MDN1: variants seen among roughly 807,000 people sequenced by gnomAD.
MDN1 encodes midasin AAA ATPase 1.
MDN1 carries 266 observed loss-of-function variants against 669.2 expected under a neutral mutation model. The ratio of observed to expected loss-of-function variants is 0.40; its 90% CI spans 0.36 to 0.44. The LOEUF (loss-of-function observed/expected upper bound fraction) is 0.44, where lower values mean the gene tolerates loss of function less well. Ranked by LOEUF, MDN1 falls within the 20% of genes least tolerant of loss-of-function variation. The pLI is 1.00. For synonymous variants in MDN1, 2,385 were observed against 2,457.1 expected (o/e 0.97, Z 0.87); for missense variants, 5,940 against 6,754.0 (o/e 0.88, Z 4.22).
At chr6:89,787,597 G>C (rs532148365) in intron 8 of MDN1, among the ~76,000 whole-genome samples, 1 of 151,626 alleles carries the variant, frequency 6.6e-6, no homozygotes, top group East Asian at 1.9e-4. Context: ...CCTCACCTCT[G>C]ATTATTTTTT....
At chr6:89,737,759 T>C (rs1816072847) in intron 33 of MDN1, among the ~76,000 whole-genome samples, 1 of 149,070 alleles carries the variant, frequency 6.7e-6, no homozygotes, top group Non-Finnish European at 1.5e-5. Flanking sequence ...AGTCTGGCTC[T>C]GCTGCCCAGG....
At chr6:89,748,822 G>T (rs1170986743) in intron 26 of MDN1, among the ~76,000 whole-genome samples, 1 of 151,978 alleles carries the variant, frequency 6.6e-6, no homozygotes, top group Non-Finnish European at 1.5e-5. Flanking sequence ...AACTTTGGGA[G>T]ATCAAGGTGG....
Position 89,687,038 on chromosome 6 carries a change from A to G in MDN1, c.11451-15T>C. ...TGGACCAGCAGCTGAAACGAGAAGA[A>G]GCCAAGGAGGCATTTAGGAAAACCT... On this transcript the variant is annotated splice_polypyrimidine_tract_variant and intron_variant, in intron 68 of 101. Transcript: ENST00000369393. The G allele has an allele frequency of 6.2e-7, 1 of 1,609,630 alleles. No homozygotes were observed. The highest frequency in any genetic ancestry group is 1.1e-5 in the South Asian group (1 of 90,764).
intron 84 of MDN1, among the ~76,000 whole-genome samples, chr6:89,666,159 A>G (rs945254810): frequency 6.6e-6 from 1 of 152,242 alleles, no homozygotes; most frequent in Non-Finnish European, 1.5e-5. Flanking sequence ...CTATGAATAC[A>G]CCAACATATA....
Position 89,680,386 on chromosome 6 carries a change from G to A in MDN1, c.12265+203C>T, listed in dbSNP as rs191862211. Among the ~76,000 whole-genome samples the A allele has an allele frequency of 3.0e-4, 45 of 152,326 alleles. 1 individual carries two copies. The highest frequency in any genetic ancestry group is 2.9e-3 in the Admixed American group (44 of 15,302). ...ACAGTGCCAAGTTACATGAGAGGAC[G>A]ACAATGTGAAAATTATGATTGTGTG... On this transcript the variant is annotated intron_variant, in intron 74 of 101. Transcript: ENST00000369393.
At position 89,758,297 on chromosome 6, in the gene MDN1, G is replaced by A. The variant is rs761112979; in HGVS notation, c.2660C>T (p.Thr887Ile). 27 of 1,612,302 alleles carry A rather than the reference G, an allele frequency of 1.7e-5. No individual in the cohort carries two copies. In the Admixed American group the frequency reaches 4.5e-4, roughly 27 times the overall value. Residue 887 changes from threonine (T) to isoleucine (I), a missense_variant, in exon 19 of 102, where the codon ACT becomes ATT. Around this residue, in one of 5 missense-constraint regions of MDN1, gnomAD observed 1,203 missense variants for 1,268.9 expected, o/e 0.95. Coordinates refer to ENST00000369393, the MANE Select transcript of MDN1 (RefSeq NM_014611.3). ...TGGGAGATTTCTTTTGCCTACATCA[G>A]TTGCTGGATTCATACAGGCAAATAA... is the stretch of plus-strand genomic sequence containing the variant. ...FRLFACMNPA[T>I]DVGKRNLPPG...
intron 49 of MDN1, 80 bp downstream of exon 49, chr6:89,711,948 GTCACAGAT>G: frequency 8.3e-7 from 1 of 1,199,804 alleles, no homozygotes; most frequent in Non-Finnish European, 1.2e-6. Context: ...TAACAGTGTA[GTCACAGAT>G]TAACACAGCT....
intron 50 of MDN1, among the ~76,000 whole-genome samples, chr6:89,708,941 T>C (rs530802215): frequency 2.0e-4 from 29 of 146,416 alleles, no homozygotes; most frequent in Non-Finnish European, 3.9e-4. Context: ...GAGATCACAC[T>C]AATCCATGGG....
At position 89,745,416 on chromosome 6, in the gene MDN1, C is replaced by A. The variant is rs1439306366; in HGVS notation, c.4040-5G>T. The stretch of plus-strand genomic sequence containing the variant: ...ATATCTGAGTAGACAATTTACCTAT[C>A]CAAGGAAAAATAAATATTTAGATTC... On this transcript the variant is annotated splice_polypyrimidine_tract_variant and splice_region_variant and intron_variant, in intron 28 of 101. Coordinates refer to ENST00000369393, the MANE Select transcript of MDN1 (RefSeq NM_014611.3). 8 of 1,613,788 alleles carry A rather than the reference C, an allele frequency of 5.0e-6. No individual in the cohort carries two copies. The highest frequency in any genetic ancestry group is 6.8e-6 in the Non-Finnish European group (8 of 1,179,918).
rs115817196 is a variant in MDN1, at chr6:89,692,647, C to G, written c.10383G>C (p.Ser3461=). The G allele has an allele frequency of 1.9e-6, 3 of 1,614,230 alleles. No individual in the cohort carries two copies. The highest frequency in any genetic ancestry group is 1.7e-5 in the Admixed American group (1 of 60,036). Residue 3461 remains serine, a synonymous_variant, in exon 63 of 102, where the codon TCG becomes TCC. Coordinates refer to ENST00000369393, the MANE Select transcript of MDN1 (RefSeq NM_014611.3). ...TYYAHADTLC[S]VKSEEVLRGL... ...CTCGTAGAACCTCCTCAGACTTCACCGAGCACAAAGTGTCTGCATGAGCAT... is the reference window on the plus strand; with the variant it reads ...CTCGTAGAACCTCCTCAGACTTCACGGAGCACAAAGTGTCTGCATGAGCAT...
intron 26 of MDN1, among the ~76,000 whole-genome samples, chr6:89,748,304 G>A (rs1014967937): frequency 2.1e-4 from 32 of 152,284 alleles, no homozygotes; most frequent in Admixed American, 1.0e-3. Flanking sequence ...CCAGCCTGGC[G>A]ACAGAGTGAG....
At position 89,793,769 on chromosome 6, in the gene MDN1, C is replaced by A. The variant is rs754715555; in HGVS notation, c.848G>T (p.Gly283Val). 6.2e-7 allele frequency: 1 copy of A among 1,613,398 alleles called. No homozygotes were observed. The highest frequency in any genetic ancestry group is 1.7e-5 in the Admixed American group (1 of 59,960). ...VVLPGQLPAP[G>V]ELGGNRSSSR... ...CTACTGATACCAACATACCAGCTCT[C>A]CAGGGGCTGGCAGCTGCCCAGGCAG... The change falls in exon 5 of 102, where the codon GGA becomes GTA. Residue 283 changes from glycine to valine, a missense_variant. Physicochemically the swap from Gly to Val is moderately radical, Grantham distance 109. Coordinates refer to ENST00000369393, the MANE Select transcript of MDN1 (RefSeq NM_014611.3).
At chr6:89,649,212 T>C (rs1297843245) in intron 97 of MDN1, among the ~76,000 whole-genome samples, 2 of 152,174 alleles carry the variant, frequency 1.3e-5, no homozygotes, top group African/African-American at 4.8e-5. Context: ...GCAAACTGAG[T>C]GTTCTACATC....
rs554228819 is a variant in MDN1, at chr6:89,669,938, C to T, written c.13956+981G>A. On this transcript the variant is annotated intron_variant, in intron 83 of 101. Transcript: ENST00000369393. Reference sequence around the variant, plus strand: ...GAAAAAAACTGGCTGGGCGCAGTGGCTTACACATGTAATCCCAGCACTTTG... The same window carrying T: ...GAAAAAAACTGGCTGGGCGCAGTGGTTTACACATGTAATCCCAGCACTTTG... Among the ~76,000 whole-genome samples, 12 of 151,596 alleles carry T rather than the reference C, an allele frequency of 7.9e-5. No individual in the cohort carries two copies. The East Asian group carries it at 2.0e-3, about 25-fold the overall frequency.
chr6:89,653,550 A>G (rs1010141905), intron 93 of MDN1, among the ~76,000 whole-genome samples: 1 of 152,262 alleles, frequency 6.6e-6, no homozygotes, highest in Non-Finnish European at 1.5e-5. Context: ...ATTTGCTTCA[A>G]CTTGTGAGGT....
Position 89,754,104 on chromosome 6 carries a change from G to A in MDN1, c.2943C>T (p.Asn981=), listed in dbSNP as rs374728491. ...LRFAASNPCG[N]IQRSLYEGFC... Reference sequence around the variant, plus strand: ...AGACCTCATAGAGTGAGCGCTGAATGTTGCCACATGGATTGGAGGCTGCAA... The same window carrying A: ...AGACCTCATAGAGTGAGCGCTGAATATTGCCACATGGATTGGAGGCTGCAA... Residue 981 remains asparagine, a synonymous_variant, in exon 21 of 102, where the codon AAC becomes AAT. Transcript: ENST00000369393. 7 of 1,613,902 alleles carry A rather than the reference G, an allele frequency of 4.3e-6. No homozygotes were observed. The highest frequency in any genetic ancestry group is 5.1e-6 in the Non-Finnish European group (6 of 1,179,972).
chr6:89,761,120 T>C (rs1007046315), intron 17 of MDN1, among the ~76,000 whole-genome samples: 4 of 152,026 alleles, frequency 2.6e-5, no homozygotes, highest in Admixed American at 1.3e-4. Context: ...GAGCCGAGAC[T>C]GTGCCACTGC....
chr6:89,736,264 T>TA (rs1308635229), intron 33 of MDN1, among the ~76,000 whole-genome samples: 1 of 152,170 alleles, frequency 6.6e-6, no homozygotes, highest in Non-Finnish European at 1.5e-5. Context: ...ACAAGCTCCT[T>TA]AAGGACAAGG....
At chr6:89,770,757 C>G (rs1176292246) in intron 15 of MDN1, among the ~76,000 whole-genome samples, 1 of 152,154 alleles carries the variant, frequency 6.6e-6, no homozygotes, top group Non-Finnish European at 1.5e-5. Flanking sequence ...CCCATCTAGG[C>G]CTCCCAAAGT....
Sources: gnomAD v4.1 joint callset for allele counts (sites outside exome capture counted in the v4.1 genomes callset) on GRCh38, gnomAD v4.1.1 for gene constraint, gnomAD v4.1.1 regional missense constraint, MANE v1.5 for transcripts, NCBI Gene and HGNC (gene_info 2026-07-23, HGNC 2026-07-21) for gene names.